Variants in ATXN10 observed in about 807,000 individuals in gnomAD.
ATXN10 encodes ataxin 10, also known as ataxin-10.
A neutral mutation model predicts 52.9 loss-of-function variants in ATXN10; 28 were observed. That is an observed-to-expected ratio of 0.53 (90% CI 0.39 to 0.73). The LOEUF (loss-of-function observed/expected upper bound fraction) is 0.73. ATXN10 is among the 30% of genes least tolerant of loss of function. ATXN10 has a pLI of 0.00. For synonymous variants in ATXN10, 226 were observed against 221.5 expected (o/e 1.02, Z -0.18); for missense variants, 565 against 577.0 (o/e 0.98, Z 0.21).
At chr22:45,711,895 T>C (rs887513499) in intron 5 of ATXN10, among the ~76,000 whole-genome samples, 1 of 152,198 alleles carries the variant, frequency 6.6e-6, no homozygotes, top group Admixed American at 6.5e-5. Flanking sequence ...TAAATGTCTG[T>C]ACACAGTTCT....
intron 9 of ATXN10, among the ~76,000 whole-genome samples, chr22:45,800,344 A>G (rs1601654745): frequency 6.6e-6 from 1 of 152,342 alleles, no homozygotes; most frequent in East Asian, 1.9e-4. Flanking sequence ...CACTAACGAA[A>G]CAGAAATGTC....
chr22:45,792,779 C>T (rs1601649221), intron 9 of ATXN10: 1 of 501,252 alleles, frequency 2.0e-6, no homozygotes, highest in Middle Eastern at 3.4e-4. Flanking sequence ...TCGTCAACCT[C>T]CAATCCAATT....
At chr22:45,776,656 A>T (rs1926967933) in intron 9 of ATXN10, among the ~76,000 whole-genome samples, 1 of 152,126 alleles carries the variant, frequency 6.6e-6, no homozygotes. Context: ...GGCAAGAGTA[A>T]TTGAGCCCTA....
Position 45,763,904 on chromosome 22 carries a change from C to T in ATXN10, c.1173+23366C>T, listed in dbSNP as rs999218033. 1.3e-5 allele frequency among the ~76,000 whole-genome samples: 2 copies of T among 151,982 alleles called. No individual in the cohort carries two copies. Among genetic ancestry groups the T allele is most frequent in the African/African-American group, 2.4e-5 (1 of 41,346 alleles). ...CGGCTGTGTTAGGCTCTTACCCCCA[C>T]CTCCCCCAGTGTCTTCCAGGCCCCC... On this transcript the variant is annotated intron_variant, in intron 9 of 11. Coordinates refer to ENST00000252934, the MANE Select transcript of ATXN10 (RefSeq NM_013236.4). This position sits in a 1 kb window ranked among gnomAD's most constrained non-coding sequence, Gnocchi z 6.9.
At position 45,842,900 on chromosome 22, in the gene ATXN10, T is replaced by G. The variant is rs968943732; in HGVS notation, c.1238-91T>G. 1.5e-4 allele frequency: 206 copies of G among 1,391,838 alleles called. No homozygotes were observed. Among genetic ancestry groups the G allele is most frequent in the Non-Finnish European group, 1.9e-4 (185 of 981,422 alleles). The allele number at this position is 1,391,838 out of a possible 1,614,324, so 86.2% of individuals were successfully genotyped here. A position where few individuals can be genotyped will look rare whatever the true frequency, so the allele number is the denominator to read the frequency against. ...TGGATTGATACTGGATGTTCCGTGT[T>G]TCTGTGCTCCTCTACTCCTTTTCTG... On this transcript the variant is annotated intron_variant, in intron 10 of 11. Coordinates refer to ENST00000252934, the MANE Select transcript of ATXN10 (RefSeq NM_013236.4). This position sits in a 1 kb window ranked among gnomAD's most constrained non-coding sequence, Gnocchi z 4.8.
intron 9 of ATXN10, among the ~76,000 whole-genome samples, chr22:45,768,608 A>G (rs574409542): frequency 6.6e-6 from 1 of 152,360 alleles, no homozygotes; most frequent in African/African-American, 2.4e-5. Context: ...AGGGCATGTT[A>G]AAGAAAACGT....
rs920464883 is a variant in ATXN10, at chr22:45,826,304, A to T, written c.1238-16687A>T. On this transcript the variant is annotated intron_variant, in intron 10 of 11. Coordinates refer to ENST00000252934, the MANE Select transcript of ATXN10 (RefSeq NM_013236.4). This position sits in a 1 kb window ranked among gnomAD's most constrained non-coding sequence, Gnocchi z 5.0. Reference sequence around the variant, plus strand: ...GAAAAGTGAACAGAGCCTAAGGGATATGTGGAACACCATCAAGCCAACCAA... The same window carrying T: ...GAAAAGTGAACAGAGCCTAAGGGATTTGTGGAACACCATCAAGCCAACCAA... Among the ~76,000 whole-genome samples, 3 of 152,224 alleles carry T rather than the reference A, an allele frequency of 2.0e-5. No individual in the cohort carries two copies. Among genetic ancestry groups the T allele is most frequent in the African/African-American group, 7.2e-5 (3 of 41,464 alleles).
chr22:45,729,354 T>G, intron 6 of ATXN10, 71 bp from the exon 7 acceptor site: 1 of 1,504,364 alleles, frequency 6.6e-7, no homozygotes. Context: ...TAAAGTTGCT[T>G]TCCTAGGTAT....
chr22:45,701,764 G>A lies in ATXN10; in HGVS notation c.489-925G>A, dbSNP rs562375487. The stretch of plus-strand genomic sequence containing the variant: ...AAGTAAAGGAACAGGCACATAGGTT[G>A]TGATGTAAGAACTAAGGTAATTAGG... On this transcript the variant is annotated intron_variant, in intron 4 of 11. Transcript: ENST00000252934. The surrounding 1 kb of genome is among the most constrained non-coding windows in gnomAD (Gnocchi z 4.2). Among the ~76,000 whole-genome samples, 2 of 152,286 alleles carry A rather than the reference G, an allele frequency of 1.3e-5. No homozygotes were observed. The highest frequency in any genetic ancestry group is 3.9e-4 in the East Asian group (2 of 5,192).
At chr22:45,673,531 C>G (rs1922558246) in intron 1 of ATXN10, 2 of 152,194 alleles carry the variant, frequency 1.3e-5, no homozygotes, top group South Asian at 4.1e-4. Flanking sequence ...TCATGATGGA[C>G]CCTCCTTTTA....
In ATXN10 at chr22:45,842,296, C is replaced by G. The variant is rs924884119; in HGVS notation, c.1238-695C>G. 6.6e-6 allele frequency among the ~76,000 whole-genome samples: 1 copy of G among 152,110 alleles called. No homozygotes were observed. ...TACTCAGTGATGTGGCGATGCTATC[C>G]CAGTCTTCGTAGGTTGTCTCTGGTC... On this transcript the variant is annotated intron_variant, in intron 10 of 11. Coordinates refer to ENST00000252934, the MANE Select transcript of ATXN10 (RefSeq NM_013236.4). The surrounding 1 kb of genome is among the most constrained non-coding windows in gnomAD (Gnocchi z 4.8).
chr22:45,810,762 A>T (rs1418206070), intron 10 of ATXN10, among the ~76,000 whole-genome samples: 1 of 152,150 alleles, frequency 6.6e-6, no homozygotes, highest in Non-Finnish European at 1.5e-5. Context: ...TTTTATTATA[A>T]CTTCTTTTTT....
In ATXN10 at chr22:45,705,304, TG is replaced by T. The variant is rs1239161379; in HGVS notation, c.647+2459del. Among the ~76,000 whole-genome samples, 4 of 152,206 alleles carry T rather than the reference TG, an allele frequency of 2.6e-5. No individual in the cohort carries two copies. The highest frequency in any genetic ancestry group is 1.5e-5 in the Non-Finnish European group (1 of 68,040). ...ATGAGGTCTTGTTTTGTTTTGTTTT[TG>T]GAAGACTGTAAAGGATCGGTATTCA... On this transcript the variant is annotated intron_variant, in intron 5 of 11. Transcript: ENST00000252934. The surrounding 1 kb of genome is among the most constrained non-coding windows in gnomAD (Gnocchi z 5.2).
intron 9 of ATXN10, among the ~76,000 whole-genome samples, chr22:45,765,323 A>T (rs1926544546): frequency 6.6e-6 from 1 of 152,194 alleles, no homozygotes; most frequent in Non-Finnish European, 1.5e-5. Context: ...AGCCACCAAG[A>T]GGGAGACAGT....
In ATXN10 at chr22:45,728,918, C is replaced by A. The variant is rs762227179; in HGVS notation, c.729-507C>A. On this transcript the variant is annotated intron_variant, in intron 6 of 11. Transcript: ENST00000252934. The surrounding 1 kb of genome is among the most constrained non-coding windows in gnomAD (Gnocchi z 4.3). ...CAGATTGAATCCTAGCTTAGACTCTCAGTGGTTTTGTGACACTGGACAAGT... is the reference window on the plus strand; with the variant it reads ...CAGATTGAATCCTAGCTTAGACTCTAAGTGGTTTTGTGACACTGGACAAGT... Among the ~76,000 whole-genome samples the A allele has an allele frequency of 1.3e-5, 2 of 152,200 alleles. No homozygotes were observed. The highest frequency in any genetic ancestry group is 2.4e-5 in the African/African-American group (1 of 41,446).
chr22:45,707,846 G>A (rs1030873186), intron 5 of ATXN10, among the ~76,000 whole-genome samples: 3 of 151,988 alleles, frequency 2.0e-5, no homozygotes, highest in Admixed American at 6.6e-5. Flanking sequence ...AATATCCAGA[G>A]GCTTCTGACG....
At chr22:45,776,647 G>T (rs1198969978) in intron 9 of ATXN10, among the ~76,000 whole-genome samples, 1 of 152,088 alleles carries the variant, frequency 6.6e-6, no homozygotes, top group African/African-American at 2.4e-5. Flanking sequence ...GTGATCTGGG[G>T]CAAGAGTAAT....
At position 45,712,091 on chromosome 22, in the gene ATXN10, T is replaced by C. The variant is rs1009759436; in HGVS notation, c.648-6322T>C. On this transcript the variant is annotated intron_variant, in intron 5 of 11. Coordinates refer to ENST00000252934, the MANE Select transcript of ATXN10 (RefSeq NM_013236.4). The surrounding 1 kb of genome is among the most constrained non-coding windows in gnomAD (Gnocchi z 4.6). The stretch of plus-strand genomic sequence containing the variant: ...AGAGGTAATAACCAGATGGATGTTT[T>C]TGAGGCATGCAAGTGGCTCTTTTTG... Among the ~76,000 whole-genome samples, 1 of 152,212 alleles carries C rather than the reference T, an allele frequency of 6.6e-6. No homozygotes were observed. Among genetic ancestry groups the C allele is most frequent in the Non-Finnish European group, 1.5e-5 (1 of 68,024 alleles).
chr22:45,812,183 G>T (rs368926676), intron 10 of ATXN10, among the ~76,000 whole-genome samples: 5 of 152,102 alleles, frequency 3.3e-5, no homozygotes, highest in Admixed American at 2.6e-4. Context: ...TAGGCCACCC[G>T]CTCCGATCCC....
Sources: gnomAD v4.1 joint callset for allele counts (sites outside exome capture counted in the v4.1 genomes callset) on GRCh38, gnomAD v4.1.1 for gene constraint, Gnocchi (gnomAD v3.1) non-coding constraint, MANE v1.5 for transcripts, NCBI Gene and HGNC (gene_info 2026-07-23, HGNC 2026-07-21) for gene names.